The following ZNF331 variants were observed in gnomAD, a reference collection of about 807,000 sequenced individuals.
ZNF331 encodes zinc finger protein 331, also known as C2H2-like zinc finger protein rearranged in thyroid adenomas.
Under a neutral mutation model 7.0 loss-of-function variants are expected in ZNF331, and 2 were observed. The observed-to-expected ratio is 0.29, with a 90% CI of 0.12 to 0.90. The LOEUF (loss-of-function observed/expected upper bound fraction) is 0.90, where lower values mean the gene tolerates loss of function less well. ZNF331 is among the 40% of genes least tolerant of loss of function. The probability of loss-of-function intolerance (pLI) is 0.58; values close to 1 mark genes in which losing one functional copy is unlikely to be tolerated. For synonymous variants in ZNF331, 196 were observed against 205.4 expected, an observed-to-expected ratio of 0.95 and a Z score of 0.39; for missense variants, 432 against 587.7, an observed-to-expected ratio of 0.74 and a Z score of 2.74.
intron 2 of ZNF331, among the ~76,000 whole-genome samples, chr19:53,531,279 A>G (rs2087528216): frequency 6.6e-6 from 1 of 152,192 alleles, no homozygotes; most frequent in Admixed American, 6.5e-5. Flanking sequence ...TATTCTCACT[A>G]TAACAACTTA....
At chr19:53,535,875 G>A (rs2087729335), upstream of ZNF331, among the ~76,000 whole-genome samples, 2 of 149,568 alleles carry the variant, frequency 1.3e-5, no homozygotes, top group South Asian at 4.2e-4. Flanking sequence ...GCGCAATCTT[G>A]GCTCACTACA....
At chr19:53,531,073 G>C (rs1156915836) in intron 2 of ZNF331, among the ~76,000 whole-genome samples, 1 of 152,058 alleles carries the variant, frequency 6.6e-6, no homozygotes, top group Non-Finnish European at 1.5e-5. Flanking sequence ...TCTAATGTAG[G>C]CTGCGCACCT....
chr19:53,549,718 T>TTA (rs2088860965), intron 2 of ZNF331, among the ~76,000 whole-genome samples: 1 of 151,450 alleles, frequency 6.6e-6, no homozygotes, highest in Non-Finnish European at 1.5e-5. Flanking sequence ...AATTTTTTTT[T>TTA]AAAAATCTTT....
At chr19:53,576,582 C>T (rs2090735522) in intron 5 of ZNF331, 115 bp from the exon 6 acceptor site, 2 of 872,222 alleles carry the variant, frequency 2.3e-6, no homozygotes. Context: ...CTGGGTGATT[C>T]ACATTTATTC....
rs1250585711 is a variant in ZNF331 at position 53,571,396 on chromosome 19, T to A, written c.10-208T>A. Among the ~76,000 whole-genome samples, 1 of 152,162 alleles carries A rather than the reference T, an allele frequency of 6.6e-6. No homozygotes were observed. Among genetic ancestry groups the A allele is most frequent in the African/African-American group, 2.4e-5 (1 of 41,454 alleles). Reference sequence around the variant, plus strand: ...CTGAGGATTCTGCACAGTAAAGTCATTTTCTCTGCAGCGGTAGAGCTCTTC... The same window carrying A: ...CTGAGGATTCTGCACAGTAAAGTCAATTTCTCTGCAGCGGTAGAGCTCTTC... On this transcript the variant is annotated intron_variant, in intron 4 of 5. Transcript: ENST00000449416. The surrounding 1 kb of genome is among the most constrained non-coding windows in gnomAD (Gnocchi z 4.7).
At position 53,565,395 on chromosome 19, in the gene ZNF331, A is replaced by G. The variant is rs1479398580; in HGVS notation, c.-73-3909A>G. ...TTTTTTGTAGAGATGGGGTCTTGCTATGTTGCCCAGGCTGGTCTCAGACTC... is the reference window on the plus strand; with the variant it reads ...TTTTTTGTAGAGATGGGGTCTTGCTGTGTTGCCCAGGCTGGTCTCAGACTC... On this transcript the variant is annotated intron_variant, in intron 3 of 5. Transcript: ENST00000449416. Among the ~76,000 whole-genome samples the G allele has an allele frequency of 3.9e-5, 6 of 152,186 alleles. 1 individual carries two copies. In the South Asian group the frequency reaches 8.3e-4, roughly 21 times the overall value.
chr19:53,559,641 A>T (rs888193800), intron 3 of ZNF331, among the ~76,000 whole-genome samples: 3 of 151,324 alleles, frequency 2.0e-5, no homozygotes, highest in African/African-American at 7.3e-5. Flanking sequence ...CACACATCCC[A>T]TATATACACA....
chr19:53,567,643 T>C (rs558590663), intron 3 of ZNF331, among the ~76,000 whole-genome samples: 1 of 151,654 alleles, frequency 6.6e-6, no homozygotes, highest in African/African-American at 2.4e-5. Context: ...GGCCAGGAGT[T>C]CAAGACCAGC....
intron 2 of ZNF331, among the ~76,000 whole-genome samples, chr19:53,550,529 C>CTTTTTTTTTGTTTTTT (rs2088917111): frequency 1.5e-5 from 1 of 64,540 alleles, no homozygotes; most frequent in Non-Finnish European, 2.6e-5. Flanking sequence ...TCTATTTTGT[C>CTTTTTTTTTGTTTTTT]TTTTTTTTTT....
chr19:53,513,439 G>GT, the ZNF331 span, among the ~76,000 whole-genome samples: 2 of 127,998 alleles, frequency 1.6e-5, no homozygotes, highest in African/African-American at 6.3e-5. Context: ...GCAACTCCAT[G>GT]TTTTTTAGAA....
rs1048739219 is a variant in ZNF331 at position 53,558,879 on chromosome 19, TATATACACAC to T, written c.-74+2982_-74+2991del. Among the ~76,000 whole-genome samples the T allele has an allele frequency of 4.0e-3, 486 of 122,684 alleles. 12 individuals carry two copies. Among genetic ancestry groups the T allele is most frequent in the African/African-American group, 0.019 (458 of 23,600 alleles). The allele number at this position is 122,684 out of a possible 152,430, so 80.5% of individuals were successfully genotyped here. A position where few individuals can be genotyped will look rare whatever the true frequency, so the allele number is the denominator to read the frequency against. ...CACACATATACACACACATACCCCA[TATATACACAC>T]ATATACACACCTATACACACCTACA... On this transcript the variant is annotated intron_variant, in intron 3 of 5. Transcript: ENST00000449416. This position sits in a 1 kb window ranked among gnomAD's most constrained non-coding sequence, Gnocchi z 4.5.
At chr19:53,562,636 G>A (rs1243759587) in intron 3 of ZNF331, among the ~76,000 whole-genome samples, 1 of 151,790 alleles carries the variant, frequency 6.6e-6, no homozygotes, top group Non-Finnish European at 1.5e-5. Context: ...GTTGCAGTGA[G>A]CCAAGATCGC....
intron 2 of ZNF331, chr19:53,555,613 C>G (rs1431314763): frequency 6.6e-6 from 1 of 152,262 alleles, no homozygotes; most frequent in African/African-American, 2.4e-5. Context: ...GTGCTCTCCA[C>G]TCAGGGCGCC....
chr19:53,506,426 C>G, the ZNF331 span, among the ~76,000 whole-genome samples: 3 of 95,084 alleles, frequency 3.2e-5, no homozygotes, highest in African/African-American at 1.4e-4. Flanking sequence ...CTCTCTCTCT[C>G]TCTCTCTCTC....
chr19:53,569,107 C>T (rs528086653), intron 3 of ZNF331, among the ~76,000 whole-genome samples, 197 bp from the exon 4 acceptor site: 4 of 152,154 alleles, frequency 2.6e-5, no homozygotes, highest in South Asian at 2.1e-4. Flanking sequence ...CCACCCACCT[C>T]GGCCTCCCAA....
upstream of ZNF331, among the ~76,000 whole-genome samples, chr19:53,515,215 C>G (rs1333570422): frequency 1.3e-5 from 2 of 152,208 alleles, no homozygotes; most frequent in Admixed American, 1.3e-4. Context: ...CAATGCATTA[C>G]TTAAAACTGC....
chr19:53,515,734 T>C (rs957413897), upstream of ZNF331, among the ~76,000 whole-genome samples: 1 of 152,134 alleles, frequency 6.6e-6, no homozygotes, highest in Non-Finnish European at 1.5e-5. Context: ...CGACCTCAGG[T>C]GATCCGCCTT....
At chr19:53,574,937 CTTTTTT>C (rs11354144) in intron 5 of ZNF331, among the ~76,000 whole-genome samples, 1 of 119,512 alleles carries the variant, frequency 8.4e-6, no homozygotes, top group Non-Finnish European at 1.7e-5. Flanking sequence ...TTTTTCTTTT[CTTTTTT>C]TTTTTTTTTT....
intron 2 of ZNF331, among the ~76,000 whole-genome samples, chr19:53,525,762 C>G (rs898898070): frequency 3.9e-5 from 6 of 152,178 alleles, no homozygotes; most frequent in African/African-American, 1.4e-4. Context: ...AACTTCTTCA[C>G]TTCCTATTTG....
Sources: allele counts gnomAD v4.1 joint callset (sites outside exome capture counted in the v4.1 genomes callset), GRCh38; gene constraint gnomAD v4.1.1; non-coding constraint Gnocchi (gnomAD v3.1); transcripts MANE v1.5; gene names NCBI Gene and HGNC (gene_info 2026-07-23, HGNC 2026-07-21).